The following GCSAM variants were observed in gnomAD, a reference collection of about 807,000 sequenced individuals.
The protein encoded by GCSAM is germinal center associated signaling and motility.
In GCSAM, 8 loss-of-function variants were observed where a neutral mutation model predicts 17.6. That is an observed-to-expected ratio of 0.46 (90% confidence interval 0.27 to 0.82). The LOEUF is 0.82. Among genes scored for constraint, GCSAM ranks in the 40% least tolerant of loss-of-function variants. GCSAM has a pLI of 0.15. For missense variants in GCSAM, 192 were observed against 213.5 expected (o/e 0.90, Z 0.63); for synonymous variants, 68 against 69.0 (o/e 0.98, Z 0.07).
chr3:112,123,819 G>T, intron 5 of GCSAM, 47 bp from the exon 6 acceptor site: 1 of 1,571,782 alleles, frequency 6.4e-7, no homozygotes, highest in South Asian at 1.2e-5. Flanking sequence ...CTCTTGCCAT[G>T]ACCTTTACAT....
chr3:112,130,908 G>C (rs1234260657), intron 1 of GCSAM: 2 of 202,968 alleles, frequency 9.9e-6, no homozygotes, highest in Non-Finnish European at 2.1e-5. Context: ...TACTGGCTTT[G>C]TCTTGTGTAA....
In GCSAM at chr3:112,123,669, T is replaced by G; in HGVS notation, c.323A>C (p.Glu108Ala). 6.2e-7 allele frequency: 1 copy of G among 1,614,036 alleles called. No individual in the cohort carries two copies. Among genetic ancestry groups the G allele is most frequent in the East Asian group, 2.2e-5 (1 of 44,884 alleles). ...PSGNSAEEYY[E>A]NVPCKAERPR... The stretch of plus-strand genomic sequence containing the variant: ...TCTCTCAGCTTTGCAGGGAACATTC[T>G]CATAGTACTCTTCAGCAGAGTTCCC... The change falls in exon 6 of 6, where the codon GAG (glutamate) becomes GCG (alanine). Residue 108 changes from glutamate (E) to alanine (A), a missense_variant. Coordinates refer to ENST00000308910, the MANE Select transcript of GCSAM (RefSeq NM_152785.5).
chr3:112,123,130 C>A lies in GCSAM; in HGVS notation c.*325G>T. 3.2e-6 allele frequency: 1 copy of A among 312,542 alleles called. No individual in the cohort carries two copies. The highest frequency in any genetic ancestry group is 6.0e-6 in the Non-Finnish European group (1 of 167,602). The allele number at this position is 312,542 out of a possible 1,614,324, so 19.4% of individuals were successfully genotyped here. A position where few individuals can be genotyped will look rare whatever the true frequency, so the allele number is the denominator to read the frequency against. ...CATGGGAACACTTTATAAGAAGATC[C>A]CAGACAGAAGAGCAGAGCCCCTTGT... is the stretch of plus-strand genomic sequence containing the variant. On this transcript the variant is annotated 3_prime_UTR_variant, in exon 6 of 6. Coordinates refer to ENST00000308910, the MANE Select transcript of GCSAM (RefSeq NM_152785.5).
chr3:112,123,234 A>T lies in GCSAM; in HGVS notation c.*221T>A. 1 of 790,060 alleles carries T rather than the reference A, an allele frequency of 1.3e-6. No homozygotes were observed. Among genetic ancestry groups the T allele is most frequent in the Middle Eastern group, 3.9e-4 (1 of 2,566 alleles). The allele number at this position is 790,060 out of a possible 1,614,324, so 48.9% of individuals were successfully genotyped here. Reference sequence around the variant, plus strand: ...AAACCATGTAGAACCAAAGATGGTTACCTCTTTCTCAAATGGTGTTGTTCA... The same window carrying T: ...AAACCATGTAGAACCAAAGATGGTTTCCTCTTTCTCAAATGGTGTTGTTCA... On this transcript the variant is annotated 3_prime_UTR_variant, in exon 6 of 6. Transcript: ENST00000308910.
chr3:112,123,863 G>A, intron 5 of GCSAM, 91 bp from the exon 6 acceptor site: 1 of 1,389,318 alleles, frequency 7.2e-7, no homozygotes, highest in Admixed American at 2.2e-5. Context: ...CCTTGGTCAA[G>A]TCTGTCTTCT....
intron 2 of GCSAM, chr3:112,128,359 G>GT (rs1331057543): frequency 1.8e-4 from 97 of 540,546 alleles, no homozygotes; most frequent in Non-Finnish European, 2.0e-5. Context: ...TGAAGAACAC[G>GT]TAAGTGTTAT....
intron 4 of GCSAM, among the ~76,000 whole-genome samples, chr3:112,125,595 GC>G (rs2074299185): frequency 6.6e-6 from 1 of 152,164 alleles, no homozygotes; most frequent in Admixed American, 6.5e-5. Context: ...CAAATTCAGT[GC>G]CTCTGCACCA....
chr3:112,126,898 G>T, intron 4 of GCSAM, 89 bp downstream of exon 4: 1 of 898,084 alleles, frequency 1.1e-6, no homozygotes, highest in Non-Finnish European at 1.8e-6. Context: ...ATTGAAATAT[G>T]CCTAAGGGGC....
At chr3:112,131,351 CT>C (rs763095198) in intron 1 of GCSAM, among the ~76,000 whole-genome samples, 35 of 152,166 alleles carry the variant, frequency 2.3e-4, no homozygotes, top group Admixed American at 3.9e-4. Flanking sequence ...TCCCTGACTT[CT>C]TAGCTTATTT....
intron 5 of GCSAM, 141 bp downstream of exon 5, chr3:112,125,085 C>T: frequency 1.5e-6 from 1 of 675,530 alleles, no homozygotes; most frequent in African/African-American, 1.8e-5. Flanking sequence ...CACCTGCCAC[C>T]CGAGTTCACA....
chr3:112,128,206 C>T (rs768635624), intron 2 of GCSAM, 145 bp from the exon 3 acceptor site: 16 of 730,272 alleles, frequency 2.2e-5, no homozygotes, highest in South Asian at 1.9e-4. Context: ...ACACATCTCT[C>T]ATGGTAGAAT....
In GCSAM at chr3:112,123,351, G is replaced by A; in HGVS notation, c.*104C>T. 1.3e-6 allele frequency: 2 copies of A among 1,525,954 alleles called. No individual in the cohort carries two copies. Among genetic ancestry groups the A allele is most frequent in the Non-Finnish European group, 1.8e-6 (2 of 1,140,328 alleles). 94.5% of individuals were successfully genotyped at this position (1,525,954 alleles called of 1,614,324 possible). On this transcript the variant is annotated 3_prime_UTR_variant, in exon 6 of 6. Transcript: ENST00000308910. ...GCTCTGCAGGGAAAGGGTTGTTGTG[G>A]GAGATAAGCTGGAGGGACTTTGTGT...
At chr3:112,125,828 G>A (rs1477695628) in intron 4 of GCSAM, among the ~76,000 whole-genome samples, 1 of 152,204 alleles carries the variant, frequency 6.6e-6, no homozygotes, top group African/African-American at 2.4e-5. Context: ...TCCTATACCT[G>A]CTGGCAGATA....
At position 112,123,482 on chromosome 3, in the gene GCSAM, A is replaced by T. The variant is rs2074238230; in HGVS notation, c.510T>A (p.Pro170=). Residue 170 remains proline, a synonymous_variant, in exon 6 of 6, where the codon CCT becomes CCA. Transcript: ENST00000308910. Reference sequence around the variant, plus strand: ...ATAAATGGGAAAACTGAGTCTCAGAAGGGGCCATAAGTGGACGTGGCTGTT... The same window carrying T: ...ATAAATGGGAAAACTGAGTCTCAGATGGGGCCATAAGTGGACGTGGCTGTT... ...FLQQPRPLMA[P]SETQFSHL 6.2e-7 allele frequency: 1 copy of T among 1,613,978 alleles called. No individual in the cohort carries two copies. Among genetic ancestry groups the T allele is most frequent in the African/African-American group, 1.3e-5 (1 of 74,934 alleles).
intron 4 of GCSAM, among the ~76,000 whole-genome samples, chr3:112,126,211 G>A (rs1262077279): frequency 6.6e-6 from 1 of 152,156 alleles, no homozygotes; most frequent in African/African-American, 2.4e-5. Flanking sequence ...AAGTGGCTAG[G>A]GTGGGAGGCT....
At chr3:112,127,968 T>A in intron 3 of GCSAM, 49 bp downstream of exon 3, 3 of 1,548,682 alleles carry the variant, frequency 1.9e-6, no homozygotes, top group Non-Finnish European at 2.7e-6. Flanking sequence ...AAATACCACA[T>A]TGAAACCACA....
chr3:112,126,984 TA>T lies in GCSAM; in HGVS notation c.190+2del, dbSNP rs769808404. On this transcript the variant is annotated splice_donor_variant, in intron 4 of 5. Coordinates refer to ENST00000308910, the MANE Select transcript of GCSAM (RefSeq NM_152785.5). LOFTEE classifies it high-confidence loss of function. ...TGAAAATACTAGGAAATCAATGACT[TA>T]CTTTCGTTTTGGGAATCTTGCCTCT... is the stretch of plus-strand genomic sequence containing the variant. The T allele has an allele frequency of 3.2e-6, 5 of 1,574,840 alleles. No individual in the cohort carries two copies. The South Asian group carries it at 5.7e-5, about 18-fold the overall frequency.
intron 1 of GCSAM, 142 bp downstream of exon 1, chr3:112,132,950 A>C (rs913657687): frequency 1.2e-6 from 1 of 802,918 alleles, no homozygotes; most frequent in East Asian, 2.6e-5. Context: ...CAGAGTAGGC[A>C]CTGAAGGCTT....
chr3:112,132,689 C>A, intron 1 of GCSAM: 1 of 987,796 alleles, frequency 1.0e-6, no homozygotes, highest in Non-Finnish European at 1.2e-6. Flanking sequence ...AGGAAGCTTG[C>A]TGTTTATTTC....
Sources: gnomAD v4.1 joint callset for allele counts (sites outside exome capture counted in the v4.1 genomes callset) on GRCh38, gnomAD v4.1.1 for gene constraint, MANE v1.5 for transcripts, NCBI Gene and HGNC (gene_info 2026-07-23, HGNC 2026-07-21) for gene names.